The following LHFPL3 variants were observed in gnomAD, a reference collection of about 807,000 sequenced individuals.
LHFPL3 encodes the protein LHFPL tetraspan subfamily member 3, also known as LHFPL tetraspan subfamily member 3 protein.
In LHFPL3, 5 loss-of-function variants were observed where a neutral mutation model predicts 19.3. That is an observed-to-expected ratio of 0.26 (90% confidence interval 0.14 to 0.54). The LOEUF (loss-of-function observed/expected upper bound fraction) is 0.54. Ranked by LOEUF, LHFPL3 falls within the 20% of genes least tolerant of loss-of-function variation. The pLI is 0.94. For missense variants in LHFPL3, 249 were observed against 307.4 expected (o/e 0.81, Z 1.42); for synonymous variants, 133 against 126.2 (o/e 1.05, Z -0.36).
At chr7:104,460,190 T>G (rs770954785) in intron 1 of LHFPL3, among the ~76,000 whole-genome samples, 1 of 152,348 alleles carries the variant, frequency 6.6e-6, no homozygotes, top group South Asian at 2.1e-4. Flanking sequence ...TCATTCTTTT[T>G]TATGACTGCA....
intron 2 of LHFPL3, among the ~76,000 whole-genome samples, chr7:104,852,272 A>G (rs1288516695): frequency 6.6e-6 from 1 of 152,252 alleles, no homozygotes; most frequent in African/African-American, 2.4e-5. Flanking sequence ...AGGGCAGAGC[A>G]GCAAAGGAAA....
intron 1 of LHFPL3, among the ~76,000 whole-genome samples, chr7:104,411,293 C>G (rs1408586469): frequency 6.6e-6 from 1 of 152,088 alleles, no homozygotes; most frequent in Non-Finnish European, 1.5e-5. Context: ...TGACAGATAA[C>G]TACAGTGCAA....
chr7:104,514,702 G>T (rs1033053729), intron 1 of LHFPL3, among the ~76,000 whole-genome samples: 2 of 152,176 alleles, frequency 1.3e-5, no homozygotes, highest in Admixed American at 1.3e-4. Context: ...AATTAGAGCT[G>T]CTTGGGAAAC....
chr7:104,778,080 A>G (rs1445006902), intron 2 of LHFPL3, among the ~76,000 whole-genome samples: 3 of 152,216 alleles, frequency 2.0e-5, no homozygotes, highest in Non-Finnish European at 4.4e-5. Flanking sequence ...TGGAAGAAGA[A>G]GAAGTAGACC....
intron 1 of LHFPL3, among the ~76,000 whole-genome samples, chr7:104,577,382 G>T (rs372218884): frequency 2.0e-5 from 3 of 152,202 alleles, no homozygotes; most frequent in African/African-American, 7.2e-5. Flanking sequence ...GAAAGAATAA[G>T]TAAGCACAAA....
At chr7:104,687,205 A>G (rs1381278254) in intron 1 of LHFPL3, among the ~76,000 whole-genome samples, 1 of 152,222 alleles carries the variant, frequency 6.6e-6, no homozygotes, top group Non-Finnish European at 1.5e-5. Context: ...TACTTATTAT[A>G]AAGGATATTA....
chr7:104,374,208 A>G (rs13226700), intron 1 of LHFPL3, among the ~76,000 whole-genome samples: 14,453 of 146,898 alleles, frequency 0.098, 722 homozygotes, highest in African/African-American at 0.13. Context: ...CTATCTATAT[A>G]TGTGTGTGTG....
At chr7:104,880,024 A>C (rs1205337562) in intron 2 of LHFPL3, among the ~76,000 whole-genome samples, 1 of 151,696 alleles carries the variant, frequency 6.6e-6, no homozygotes, top group African/African-American at 2.4e-5. Flanking sequence ...ACATAGTGAG[A>C]ACTCTGTCTC....
At chr7:104,570,466 G>T (rs1036338028) in intron 1 of LHFPL3, among the ~76,000 whole-genome samples, 1 of 152,180 alleles carries the variant, frequency 6.6e-6, no homozygotes, top group Non-Finnish European at 1.5e-5. Flanking sequence ...AATTCAACCA[G>T]AACTTAGACT....
chr7:104,848,908 TTTGTTG>T (rs576172307), intron 2 of LHFPL3, among the ~76,000 whole-genome samples: 6 of 151,012 alleles, frequency 4.0e-5, no homozygotes, highest in African/African-American at 4.9e-5. Flanking sequence ...TGGTTTTTTT[TTTGTTG>T]TTGTTGTTGT....
chr7:104,444,561 C>A (rs1792290901), intron 1 of LHFPL3, among the ~76,000 whole-genome samples: 1 of 152,198 alleles, frequency 6.6e-6, no homozygotes, highest in Non-Finnish European at 1.5e-5. Flanking sequence ...TTGTTCTTTT[C>A]CGGTAATTCT....
chr7:104,428,212 A>T (rs1791885327), intron 1 of LHFPL3, among the ~76,000 whole-genome samples: 2 of 152,174 alleles, frequency 1.3e-5, no homozygotes, highest in Admixed American at 6.5e-5. Context: ...TCTACATATA[A>T]CATCTGGTAA....
intron 2 of LHFPL3, among the ~76,000 whole-genome samples, chr7:104,802,196 C>A (rs564125275): frequency 2.6e-4 from 40 of 152,048 alleles, no homozygotes; most frequent in African/African-American, 9.6e-4. Context: ...GAATTAGTGC[C>A]CTTATAAAAG....
At chr7:104,717,394 G>A (rs1793407027) in intron 1 of LHFPL3, among the ~76,000 whole-genome samples, 1 of 152,070 alleles carries the variant, frequency 6.6e-6, no homozygotes, top group Non-Finnish European at 1.5e-5. Context: ...GAAAATATTT[G>A]CAAACTCTAT....
chr7:104,870,549 G>C (rs1332598088), intron 2 of LHFPL3, among the ~76,000 whole-genome samples: 1 of 152,164 alleles, frequency 6.6e-6, no homozygotes, highest in Non-Finnish European at 1.5e-5. Flanking sequence ...TCATGAGCAG[G>C]GTCTTAAGTC....
chr7:104,476,302 A>G (rs1300902828), intron 1 of LHFPL3, among the ~76,000 whole-genome samples: 1 of 152,198 alleles, frequency 6.6e-6, no homozygotes, highest in Non-Finnish European at 1.5e-5. Context: ...GGGGAATTAG[A>G]TTTCAGATAA....
intron 1 of LHFPL3, among the ~76,000 whole-genome samples, chr7:104,520,679 G>C (rs1794038481): frequency 1.4e-5 from 2 of 143,758 alleles, no homozygotes; most frequent in Admixed American, 1.4e-4. Flanking sequence ...GTCTTGGAAG[G>C]GTGTATGTGT....
intron 1 of LHFPL3, among the ~76,000 whole-genome samples, chr7:104,682,517 A>G (rs769797382): frequency 8.5e-5 from 13 of 152,190 alleles, no homozygotes; most frequent in Admixed American, 1.3e-4. Flanking sequence ...ACAGCACTCA[A>G]TGAAATGCTG....
At position 104,695,592 on chromosome 7, in the gene LHFPL3, T is replaced by C. The variant is rs530309017; in HGVS notation, c.446-41083T>C. On this transcript the variant is annotated intron_variant, in intron 1 of 2. Transcript: ENST00000424859. The stretch of plus-strand genomic sequence containing the variant: ...CTAAAAAACTCAAAGGCTTTGCATC[T>C]GTGTGTTTTAGACCTGGAAGATTTA... Among the ~76,000 whole-genome samples the C allele has an allele frequency of 9.2e-5, 14 of 152,352 alleles. No homozygotes were observed. The East Asian group carries it at 2.7e-3, about 29-fold the overall frequency.
Sources: gnomAD v4.1 joint callset for allele counts (sites outside exome capture counted in the v4.1 genomes callset) on GRCh38, gnomAD v4.1.1 for gene constraint, MANE v1.5 for transcripts, NCBI Gene and HGNC (gene_info 2026-07-23, HGNC 2026-07-21) for gene names.